The following CSNK1G1 variants were observed in gnomAD, a reference collection of about 807,000 sequenced individuals.
CSNK1G1 encodes casein kinase I isoform gamma-1.
A neutral mutation model predicts 59.6 loss-of-function variants in CSNK1G1; 22 were observed. That is an observed-to-expected ratio of 0.37 (90% confidence interval 0.26 to 0.53). The LOEUF is 0.53. Among genes scored for constraint, CSNK1G1 ranks in the 20% least tolerant of loss-of-function variants. The probability of loss-of-function intolerance (pLI) is 0.89; values close to 1 mark genes in which losing one functional copy is unlikely to be tolerated. For missense variants in CSNK1G1, 384 were observed against 519.5 expected (o/e 0.74, Z 2.54); for synonymous variants, 179 against 177.1 (o/e 1.01, Z -0.08).
intron 10 of CSNK1G1, among the ~76,000 whole-genome samples, chr15:64,186,173 C>A (rs922503212): frequency 3.9e-5 from 6 of 152,130 alleles, no homozygotes; most frequent in African/African-American, 1.4e-4. Context: ...GGGGCGCAAT[C>A]TCAGCTCACT....
intron 2 of CSNK1G1, among the ~76,000 whole-genome samples, chr15:64,291,157 G>C (rs924498564): frequency 6.6e-6 from 1 of 152,134 alleles, no homozygotes. Context: ...AATGTTTCTG[G>C]TTAATTAGGT....
At chr15:64,307,970 A>G (rs10220884) in intron 1 of CSNK1G1, among the ~76,000 whole-genome samples, 143,738 of 152,128 alleles carry the variant, frequency 0.94, 68,381 homozygotes, top group East Asian at 1. Context: ...ACAGGCGTGA[A>G]CCACCGCGCC....
chr15:64,339,729 G>A (rs550625494), intron 1 of CSNK1G1, among the ~76,000 whole-genome samples: 1 of 152,382 alleles, frequency 6.6e-6, no homozygotes, highest in South Asian at 2.1e-4. Flanking sequence ...AACAGGAGGA[G>A]CAGTAGTGCC....
chr15:64,279,985 A>C (rs907666546), intron 2 of CSNK1G1, among the ~76,000 whole-genome samples: 3 of 151,720 alleles, frequency 2.0e-5, no homozygotes, highest in Admixed American at 6.6e-5. Flanking sequence ...AAAAAAAAAA[A>C]CAAAACAGAA....
intron 4 of CSNK1G1, among the ~76,000 whole-genome samples, chr15:64,248,285 A>T (rs1238523732): frequency 6.6e-6 from 1 of 152,250 alleles, no homozygotes; most frequent in African/African-American, 2.4e-5. Flanking sequence ...ACAAGGACAC[A>T]TGGTGAAATC....
At chr15:64,209,588 A>G (rs888904385) in intron 6 of CSNK1G1, among the ~76,000 whole-genome samples, 6 of 152,242 alleles carry the variant, frequency 3.9e-5, no homozygotes, top group African/African-American at 1.4e-4. Flanking sequence ...GAATGAAAAC[A>G]GCATGACCAT....
At chr15:64,329,251 C>G (rs1161080670) in intron 1 of CSNK1G1, among the ~76,000 whole-genome samples, 1 of 151,698 alleles carries the variant, frequency 6.6e-6, no homozygotes, top group Non-Finnish European at 1.5e-5. Flanking sequence ...ACACCTATTC[C>G]AAAATTGACC....
At chr15:64,184,612 C>T (rs1219174546) in intron 10 of CSNK1G1, among the ~76,000 whole-genome samples, 2 of 144,820 alleles carry the variant, frequency 1.4e-5, no homozygotes, top group Non-Finnish European at 3.0e-5. Context: ...GGGAGGCGGA[C>T]GTTGTAGTGA....
intron 1 of CSNK1G1, among the ~76,000 whole-genome samples, chr15:64,337,757 T>G (rs1468491512): frequency 6.6e-6 from 1 of 152,186 alleles, no homozygotes; most frequent in Non-Finnish European, 1.5e-5. Flanking sequence ...ACCCAAAATA[T>G]TCTCATTATC....
At chr15:64,174,427 ATC>A (rs1202771901) in intron 11 of CSNK1G1, among the ~76,000 whole-genome samples, 1 of 152,212 alleles carries the variant, frequency 6.6e-6, no homozygotes, top group African/African-American at 2.4e-5. Flanking sequence ...AGGCCCCACA[ATC>A]TGTTCTTCAA....
intron 3 of CSNK1G1, 91 bp from the exon 4 acceptor site, chr15:64,251,672 C>A: frequency 1.2e-6 from 1 of 856,748 alleles, no homozygotes. Context: ...GCTAAGATCA[C>A]CCAATGTTTT....
At position 64,295,221 on chromosome 15, in the gene CSNK1G1, T is replaced by C. The variant is rs554972201; in HGVS notation, c.181+5098A>G. Among the ~76,000 whole-genome samples, 91 of 152,308 alleles carry C rather than the reference T, an allele frequency of 6.0e-4. 1 individual carries two copies. Among genetic ancestry groups the C allele is most frequent in the African/African-American group, 2.0e-3 (83 of 41,564 alleles). Reference sequence around the variant, plus strand: ...CCTAGTCCTATATTTACTATCTCAATTAACTCATTTATGCCTAGTGTTCCA... The same window carrying C: ...CCTAGTCCTATATTTACTATCTCAACTAACTCATTTATGCCTAGTGTTCCA... On this transcript the variant is annotated intron_variant, in intron 2 of 11. Transcript: ENST00000303052.
intron 1 of CSNK1G1, among the ~76,000 whole-genome samples, chr15:64,330,457 CT>C (rs1897062195): frequency 1.3e-5 from 2 of 148,794 alleles, no homozygotes; most frequent in Admixed American, 1.3e-4. Flanking sequence ...CAGAAAAGGC[CT>C]TTGACAAAAT....
intron 1 of CSNK1G1, among the ~76,000 whole-genome samples, chr15:64,326,245 C>G (rs983041328): frequency 6.6e-6 from 1 of 152,150 alleles, no homozygotes; most frequent in African/African-American, 2.4e-5. Context: ...AGGCCAGTCT[C>G]GAACTCTTGG....
intron 1 of CSNK1G1, among the ~76,000 whole-genome samples, chr15:64,310,708 C>CA (rs1293298294): frequency 1.3e-5 from 2 of 149,284 alleles, no homozygotes; most frequent in African/African-American, 2.5e-5. Flanking sequence ...CACTCTGTCT[C>CA]AAAAAAAAGG....
At chr15:64,318,536 ATTTCTTTC>A (rs556398050) in intron 1 of CSNK1G1, among the ~76,000 whole-genome samples, 4 of 148,940 alleles carry the variant, frequency 2.7e-5, no homozygotes, top group East Asian at 4.0e-4. Flanking sequence ...ATAAACTTGT[ATTTCTTTC>A]TTTCTTTCTT....
intron 2 of CSNK1G1, among the ~76,000 whole-genome samples, chr15:64,262,874 T>A (rs1292826846): frequency 6.6e-6 from 1 of 152,058 alleles, no homozygotes; most frequent in East Asian, 1.9e-4. Flanking sequence ...AGGTCAGGAA[T>A]TCGAGACCAG....
chr15:64,291,252 A>G (rs1894724760), intron 2 of CSNK1G1, among the ~76,000 whole-genome samples: 1 of 152,218 alleles, frequency 6.6e-6, no homozygotes, highest in African/African-American at 2.4e-5. Context: ...TGATTTTAAA[A>G]TGGCTTCATT....
chr15:64,288,806 C>T (rs1894572318), intron 2 of CSNK1G1, among the ~76,000 whole-genome samples: 2 of 152,042 alleles, frequency 1.3e-5, no homozygotes, highest in African/African-American at 2.4e-5. Flanking sequence ...GTAAATACTG[C>T]TTCTGAATCA....
Sources: allele counts gnomAD v4.1 joint callset (sites outside exome capture counted in the v4.1 genomes callset), GRCh38; gene constraint gnomAD v4.1.1; transcripts MANE v1.5; gene names NCBI Gene and HGNC (gene_info 2026-07-23, HGNC 2026-07-21).